NFIC: variants seen among roughly 807,000 people sequenced by gnomAD.
The protein encoded by NFIC is nuclear factor I C, also known as nuclear factor 1 C-type.
NFIC carries 12 observed loss-of-function variants against 54.4 expected under a neutral mutation model. The observed-to-expected ratio is 0.22, with a 90% CI of 0.14 to 0.36. The LOEUF (loss-of-function observed/expected upper bound fraction) is 0.36. Ranked by LOEUF, NFIC falls within the 10% of genes least tolerant of loss-of-function variation. The pLI is 1.00. For synonymous variants in NFIC, 322 were observed against 319.2 expected (o/e 1.01, Z -0.09); for missense variants, 575 against 718.2 (o/e 0.80, Z 2.28).
Position 3,467,223 on chromosome 19 carries a change from C to T in NFIC, c.*4454C>T, listed in dbSNP as rs1425062668. 3 of 123,884 alleles carry T rather than the reference C, an allele frequency of 2.4e-5. No individual in the cohort carries two copies. Among genetic ancestry groups the T allele is most frequent in the African/African-American group, 6.1e-5 (2 of 32,682 alleles). 7.7% of individuals were successfully genotyped at this position (123,884 alleles called of 1,614,324 possible). ...CACACCTATGCCAGGCCCCCCCCCC[C>T]ACCCCAGTCTCATTCTGGGGTCTGC... is the stretch of plus-strand genomic sequence containing the variant. On this transcript the variant is annotated 3_prime_UTR_variant, in exon 11 of 11. Transcript: ENST00000443272.
chr19:3,427,750 C>A (rs1381022469), intron 3 of NFIC, among the ~76,000 whole-genome samples: 1 of 148,696 alleles, frequency 6.7e-6, no homozygotes, highest in Non-Finnish European at 1.5e-5. Context: ...TCGCTTGAAC[C>A]CAGGAGGCAG....
intron 6 of NFIC, among the ~76,000 whole-genome samples, chr19:3,446,036 C>T (rs2082369161): frequency 6.6e-6 from 1 of 151,358 alleles, no homozygotes. Flanking sequence ...CCTACAGAGA[C>T]CGATCTGGCC....
At chr19:3,405,143 G>A (rs528646444) in intron 2 of NFIC, among the ~76,000 whole-genome samples, 42 of 152,364 alleles carry the variant, frequency 2.8e-4, no homozygotes, top group African/African-American at 9.6e-4. Context: ...CGGCCCAGGC[G>A]GCCCGGCGGC....
intron 9 of NFIC, among the ~76,000 whole-genome samples, chr19:3,456,330 C>CG (rs890134947): frequency 6.6e-6 from 1 of 152,200 alleles, no homozygotes; most frequent in African/African-American, 2.4e-5. Flanking sequence ...CCGTGACCCC[C>CG]GGGCCCCTCG....
chr19:3,366,526 C>A, upstream of NFIC: 1 of 373,070 alleles, frequency 2.7e-6, no homozygotes, highest in Non-Finnish European at 3.9e-6. Context: ...AGCGCGCCGG[C>A]CGCGGGGCGG....
At position 3,370,697 on chromosome 19, in the gene NFIC, T is replaced by TCTC. The variant is rs72041178; in HGVS notation, c.30+4032_30+4034dup. On this transcript the variant is annotated intron_variant, in intron 1 of 10. Transcript: ENST00000443272. This position sits in a 1 kb window ranked among gnomAD's most constrained non-coding sequence, Gnocchi z 5.2. ...TGTTCCTCTTCTTTCTCTCTGTCTG[T>TCTC]CTCTTTCTTTCTCCCTCCCTTCCTC... Among the ~76,000 whole-genome samples, 11 of 5,922 alleles carry TCTC rather than the reference T, an allele frequency of 1.9e-3. No homozygotes were observed. The highest frequency in any genetic ancestry group is 3.3e-3 in the Non-Finnish European group (7 of 2,152). The allele number at this position is 5,922 out of a possible 152,430, so 3.9% of individuals were successfully genotyped here. A position where few individuals can be genotyped will look rare whatever the true frequency, so the allele number is the denominator to read the frequency against.
chr19:3,409,330 C>T (rs1306195568), intron 2 of NFIC, among the ~76,000 whole-genome samples: 1 of 152,198 alleles, frequency 6.6e-6, no homozygotes, highest in Non-Finnish European at 1.5e-5. Context: ...TGGAGAGCCA[C>T]CGTCACATCC....
chr19:3,456,169 A>C (rs550609930), intron 9 of NFIC, among the ~76,000 whole-genome samples: 45 of 152,356 alleles, frequency 3.0e-4, no homozygotes, highest in Admixed American at 2.7e-3. Context: ...AAACGCCCTC[A>C]ATAATTCATG....
intron 2 of NFIC, among the ~76,000 whole-genome samples, chr19:3,414,808 G>GTTTGTTTT (rs1239628164): frequency 1.3e-5 from 2 of 151,770 alleles, no homozygotes; most frequent in East Asian, 3.9e-4. Context: ...AAAGTGCTTA[G>GTTTGTTTT]TTTGTTTTTT....
chr19:3,416,299 C>T (rs192265203), intron 2 of NFIC, among the ~76,000 whole-genome samples: 400 of 148,676 alleles, frequency 2.7e-3, no homozygotes, highest in African/African-American at 8.5e-3. Context: ...AAAAATGTAC[C>T]TGTGCCATCA....
chr19:3,400,425 C>T (rs924810618), intron 2 of NFIC, among the ~76,000 whole-genome samples: 11 of 151,840 alleles, frequency 7.2e-5, no homozygotes, highest in African/African-American at 1.9e-4. Context: ...TGCAGTGAGC[C>T]GAGATCACGC....
In NFIC at chr19:3,453,675, C is replaced by A. The variant is rs1274767679; in HGVS notation, c.1270-88C>A. 3 of 1,492,208 alleles carry A rather than the reference C, an allele frequency of 2.0e-6. No individual in the cohort carries two copies. In the Admixed American group the frequency reaches 8.2e-5, roughly 41 times the overall value. The allele number at this position is 1,492,208 out of a possible 1,614,324, so 92.4% of individuals were successfully genotyped here. ...CCCCAGCCTGCCACCCCGTCCGGGC[C>A]GTGCACAGAGCCGGGGGCGGCCGGC... On this transcript the variant is annotated intron_variant, in intron 8 of 10. Transcript: ENST00000443272. This position sits in a 1 kb window ranked among gnomAD's most constrained non-coding sequence, Gnocchi z 6.7.
chr19:3,428,500 G>A (rs2082063570), intron 3 of NFIC, among the ~76,000 whole-genome samples: 2 of 151,890 alleles, frequency 1.3e-5, no homozygotes, highest in African/African-American at 4.8e-5. Flanking sequence ...GCGAGTGGGT[G>A]AGGCGTCCTT....
chr19:3,428,180 AAAAAAG>A (rs1410083652), intron 3 of NFIC, among the ~76,000 whole-genome samples: 3 of 151,392 alleles, frequency 2.0e-5, no homozygotes, highest in Non-Finnish European at 4.4e-5. Flanking sequence ...TCAAAAAAAA[AAAAAAG>A]AAAAGAAAAG....
At chr19:3,383,460 G>A (rs142669054) in intron 2 of NFIC, among the ~76,000 whole-genome samples, 83 of 152,308 alleles carry the variant, frequency 5.4e-4, no homozygotes, top group African/African-American at 1.9e-3. Flanking sequence ...CTAAGAGCAG[G>A]GTTGGTCCTG....
At chr19:3,438,568 G>A (rs761392891) in intron 6 of NFIC, among the ~76,000 whole-genome samples, 114 of 151,918 alleles carry the variant, frequency 7.5e-4, no homozygotes, top group Non-Finnish European at 1.4e-3. Context: ...CTCCCGAGTA[G>A]CTGGGACTAC....
intron 3 of NFIC, among the ~76,000 whole-genome samples, chr19:3,427,387 G>C (rs2082043421): frequency 6.6e-6 from 1 of 152,194 alleles, no homozygotes; most frequent in Non-Finnish European, 1.5e-5. Flanking sequence ...CTACATCTCT[G>C]TTGTGCCCTC....
chr19:3,425,276 A>G (rs1459007989), intron 3 of NFIC, 99 bp downstream of exon 3: 2 of 1,369,942 alleles, frequency 1.5e-6, no homozygotes, highest in Non-Finnish European at 2.0e-6. Context: ...CGTTTTACAG[A>G]TGAGCAGACT....
intron 2 of NFIC, among the ~76,000 whole-genome samples, chr19:3,402,623 T>C (rs568098124): frequency 6.6e-6 from 1 of 152,242 alleles, no homozygotes; most frequent in Admixed American, 6.5e-5. Flanking sequence ...AGGCAATCAC[T>C]AACTTCCTCT....
Sources: allele counts gnomAD v4.1 joint callset (sites outside exome capture counted in the v4.1 genomes callset), GRCh38; gene constraint gnomAD v4.1.1; non-coding constraint Gnocchi (gnomAD v3.1); transcripts MANE v1.5; gene names NCBI Gene and HGNC (gene_info 2026-07-23, HGNC 2026-07-21).